Variants in TMEM132C observed in about 807,000 individuals in gnomAD.
TMEM132C encodes the protein transmembrane protein 132C.
In TMEM132C, 29 loss-of-function variants were observed where a neutral mutation model predicts 61.4. The ratio of observed to expected loss-of-function variants is 0.47; its 90% CI spans 0.35 to 0.64. The LOEUF (loss-of-function observed/expected upper bound fraction) is 0.64. Among genes scored for constraint, TMEM132C ranks in the 30% least tolerant of loss-of-function variants. The probability of loss-of-function intolerance (pLI) is 0.00; values close to 1 mark genes in which losing one functional copy is unlikely to be tolerated. For synonymous variants in TMEM132C, 656 were observed against 633.1 expected (o/e 1.04, Z -0.54); for missense variants, 1,408 against 1,476.9 (o/e 0.95, Z 0.76).
chr12:128,325,525 C>T (rs551908394), intron 1 of TMEM132C, among the ~76,000 whole-genome samples: 1 of 152,092 alleles, frequency 6.6e-6, no homozygotes, highest in East Asian at 1.9e-4. Flanking sequence ...TATATACATG[C>T]ACATGTATGT....
intron 2 of TMEM132C, among the ~76,000 whole-genome samples, chr12:128,456,251 C>T (rs1870336020): frequency 6.6e-6 from 1 of 151,834 alleles, no homozygotes; most frequent in Non-Finnish European, 1.5e-5. Context: ...ATGCAGTCTT[C>T]AGAGATGTTT....
chr12:128,684,862 TGA>T (rs1233662462), intron 5 of TMEM132C, among the ~76,000 whole-genome samples: 1 of 152,172 alleles, frequency 6.6e-6, no homozygotes, highest in East Asian at 1.9e-4. Flanking sequence ...GCTGTAGTAA[TGA>T]GAGAGACCTC....
intron 2 of TMEM132C, among the ~76,000 whole-genome samples, chr12:128,458,110 G>A (rs1008559673): frequency 1.3e-5 from 2 of 151,300 alleles, no homozygotes; most frequent in Non-Finnish European, 2.9e-5. Context: ...ACAATAGGGA[G>A]ATATTACAGT....
chr12:128,561,921 C>A (rs1250959516), intron 3 of TMEM132C, among the ~76,000 whole-genome samples: 1 of 152,138 alleles, frequency 6.6e-6, no homozygotes, highest in Non-Finnish European at 1.5e-5. Flanking sequence ...CTAGTACTTG[C>A]AAGCCCAGCC....
intron 1 of TMEM132C, among the ~76,000 whole-genome samples, chr12:128,332,234 A>G (rs964254963): frequency 1.4e-4 from 21 of 152,204 alleles, no homozygotes; most frequent in African/African-American, 4.1e-4. Flanking sequence ...TAAGACATCT[A>G]AGCATTTCTT....
At chr12:128,351,249 T>G (rs972294723) in intron 1 of TMEM132C, among the ~76,000 whole-genome samples, 1 of 152,102 alleles carries the variant, frequency 6.6e-6, no homozygotes, top group Admixed American at 6.5e-5. Context: ...AAAGGCTCAC[T>G]CTGTGTACTA....
At chr12:128,443,820 G>T (rs1387752692) in intron 2 of TMEM132C, among the ~76,000 whole-genome samples, 1 of 152,180 alleles carries the variant, frequency 6.6e-6, no homozygotes, top group Non-Finnish European at 1.5e-5. Context: ...CAGCTGCCCG[G>T]AATGCTCCGT....
At chr12:128,547,648 C>T (rs905917889) in intron 3 of TMEM132C, among the ~76,000 whole-genome samples, 10 of 152,012 alleles carry the variant, frequency 6.6e-5, no homozygotes, top group African/African-American at 2.4e-4. Flanking sequence ...GAAGCTGCAA[C>T]TGTGTTTTCA....
intron 1 of TMEM132C, among the ~76,000 whole-genome samples, chr12:128,382,248 T>C (rs1013704546): frequency 1.3e-5 from 2 of 152,174 alleles, no homozygotes; most frequent in African/African-American, 2.4e-5. Flanking sequence ...TGCATTTTTT[T>C]CCCTGAGTTT....
intron 1 of TMEM132C, among the ~76,000 whole-genome samples, chr12:128,338,757 A>AAT (rs59699427): frequency 0.029 from 4,031 of 138,584 alleles, 112 homozygotes; most frequent in Admixed American, 0.05. Context: ...CTTCTGCAGA[A>AAT]ATATATATAT....
intron 1 of TMEM132C, among the ~76,000 whole-genome samples, chr12:128,312,836 G>C (rs1278095766): frequency 6.6e-6 from 1 of 152,210 alleles, no homozygotes; most frequent in African/African-American, 2.4e-5. Flanking sequence ...TCATTCACAG[G>C]CTGATGCACA....
intron 3 of TMEM132C, among the ~76,000 whole-genome samples, chr12:128,548,034 A>G (rs965613718): frequency 6.6e-6 from 1 of 152,178 alleles, no homozygotes; most frequent in Non-Finnish European, 1.5e-5. Context: ...GAAGCCTTCT[A>G]CATCAGGAGA....
intron 2 of TMEM132C, among the ~76,000 whole-genome samples, chr12:128,514,600 C>A (rs547898635): frequency 6.7e-4 from 102 of 152,270 alleles, no homozygotes; most frequent in Non-Finnish European, 1.2e-3. Context: ...GATGCAAAGT[C>A]TTCACCCTAA....
chr12:128,490,423 C>T (rs1028581043), intron 2 of TMEM132C, among the ~76,000 whole-genome samples: 1 of 152,178 alleles, frequency 6.6e-6, no homozygotes, highest in African/African-American at 2.4e-5. Context: ...TCCCCCCTTC[C>T]ACACCCTCAT....
intron 3 of TMEM132C, among the ~76,000 whole-genome samples, chr12:128,551,177 G>C (rs1351124454): frequency 6.6e-6 from 1 of 151,292 alleles, no homozygotes; most frequent in Non-Finnish European, 1.5e-5. Flanking sequence ...GGCTTCTAAT[G>C]AACCCAAACT....
At chr12:128,360,467 G>A (rs940266302) in intron 1 of TMEM132C, among the ~76,000 whole-genome samples, 4 of 152,216 alleles carry the variant, frequency 2.6e-5, no homozygotes, top group South Asian at 2.1e-4. Flanking sequence ...AATGCTTAAC[G>A]TTATATAGTT....
chr12:128,501,452 G>A (rs1261914749), intron 2 of TMEM132C, among the ~76,000 whole-genome samples: 1 of 152,210 alleles, frequency 6.6e-6, no homozygotes, highest in African/African-American at 2.4e-5. Context: ...TCCTAACTAA[G>A]TGAGTGGTGC....
chr12:128,559,176 CAG>C (rs1382162396), intron 3 of TMEM132C, among the ~76,000 whole-genome samples: 9 of 150,536 alleles, frequency 6.0e-5, no homozygotes, highest in African/African-American at 2.2e-4. Context: ...AACACACACA[CAG>C]ACACACACAC....
At chr12:128,340,771 TTTTC>T (rs1051784781) in intron 1 of TMEM132C, among the ~76,000 whole-genome samples, 4 of 131,940 alleles carry the variant, frequency 3.0e-5, no homozygotes, top group South Asian at 2.2e-4. Context: ...TTCTTTCTAT[TTTTC>T]TTTCTTTCTC....
Sources: gnomAD v4.1 joint callset for allele counts (sites outside exome capture counted in the v4.1 genomes callset) on GRCh38, gnomAD v4.1.1 for gene constraint, MANE v1.5 for transcripts, NCBI Gene and HGNC (gene_info 2026-07-23, HGNC 2026-07-21) for gene names.